The following RPS6KA5 variants were observed in gnomAD, a reference collection of about 807,000 sequenced individuals.
RPS6KA5 encodes the protein ribosomal protein S6 kinase alpha-5.
In RPS6KA5, 27 loss-of-function variants were observed where a neutral mutation model predicts 85.5. The observed-to-expected ratio is 0.32, with a 90% CI of 0.23 to 0.44. The LOEUF is 0.44. RPS6KA5 is among the 20% of genes least tolerant of loss of function. RPS6KA5 has a pLI of 1.00. For missense variants in RPS6KA5, 811 were observed against 980.9 expected (o/e 0.83, Z 2.31); for synonymous variants, 334 against 348.2 (o/e 0.96, Z 0.46).
chr14:91,050,190 C>A (rs1487030218), intron 1 of RPS6KA5, among the ~76,000 whole-genome samples: 6 of 152,000 alleles, frequency 3.9e-5, no homozygotes, highest in Admixed American at 2.0e-4. Flanking sequence ...CCAGCCTGGG[C>A]AACATAGCAA....
chr14:91,023,082 TAAAAA>T, intron 1 of RPS6KA5, among the ~76,000 whole-genome samples: 1 of 96,460 alleles, frequency 1.0e-5, no homozygotes, highest in African/African-American at 4.1e-5. Context: ...AAACTCTATC[TAAAAA>T]AAAAAAAAAA....
intron 2 of RPS6KA5, among the ~76,000 whole-genome samples, chr14:90,986,219 T>C (rs749611564): frequency 3.9e-5 from 6 of 152,228 alleles, no homozygotes; most frequent in Non-Finnish European, 8.8e-5. Context: ...AAATATATAA[T>C]GATTTTTAAA....
At chr14:90,959,021 C>A (rs545859619) in intron 3 of RPS6KA5, among the ~76,000 whole-genome samples, 1 of 151,902 alleles carries the variant, frequency 6.6e-6, no homozygotes, top group East Asian at 1.9e-4. Flanking sequence ...AAGTAACATC[C>A]AGTACAAAGA....
chr14:90,877,383 G>A (rs754748764), intron 14 of RPS6KA5, among the ~76,000 whole-genome samples: 20 of 152,174 alleles, frequency 1.3e-4, no homozygotes, highest in Non-Finnish European at 2.2e-4. Context: ...CTAGGTCTGA[G>A]TGAGCCAGTC....
intron 1 of RPS6KA5, among the ~76,000 whole-genome samples, chr14:91,049,352 C>T (rs536912521): frequency 1.3e-4 from 20 of 152,278 alleles, no homozygotes; most frequent in Admixed American, 6.5e-4. Context: ...CGGTGGCTCA[C>T]GCCTGTAATC....
intron 3 of RPS6KA5, among the ~76,000 whole-genome samples, chr14:90,962,395 C>T (rs2038849740): frequency 6.6e-6 from 1 of 151,440 alleles, no homozygotes; most frequent in Admixed American, 6.6e-5. Flanking sequence ...CCTTGACTTC[C>T]TGGGCTCAAA....
rs181630032 is a variant in RPS6KA5, at chr14:91,016,238, A to G, written c.104-15079T>C. On this transcript the variant is annotated intron_variant, in intron 1 of 16. Transcript: ENST00000614987. ...CAACTACAGTGCTCACTGGTAAACT[A>G]ATTTTTTTTTTCTTTTCTTTAGAGA... Among the ~76,000 whole-genome samples the G allele has an allele frequency of 1.3e-3, 198 of 152,088 alleles. 1 individual carries two copies. The highest frequency in any genetic ancestry group is 4.5e-3 in the African/African-American group (187 of 41,470).
intron 2 of RPS6KA5, among the ~76,000 whole-genome samples, chr14:90,994,288 A>G (rs1213776479): frequency 1.3e-5 from 2 of 151,860 alleles, no homozygotes; most frequent in Non-Finnish European, 2.9e-5. Context: ...CTCTTTAGCT[A>G]TATCTCATCT....
At chr14:90,891,146 A>G (rs556774344) in intron 13 of RPS6KA5, among the ~76,000 whole-genome samples, 32 of 151,952 alleles carry the variant, frequency 2.1e-4, no homozygotes, top group Middle Eastern at 3.4e-3. Flanking sequence ...TCATAATTCC[A>G]TAAGGACGGG....
chr14:90,921,943 A>C (rs1595221660), intron 6 of RPS6KA5, among the ~76,000 whole-genome samples: 1 of 152,208 alleles, frequency 6.6e-6, no homozygotes, highest in African/African-American at 2.4e-5. Flanking sequence ...CAGAAAAAAA[A>C]CCATGACCTA....
chr14:90,912,001 T>C (rs1393578744), intron 7 of RPS6KA5, among the ~76,000 whole-genome samples: 1 of 152,056 alleles, frequency 6.6e-6, no homozygotes, highest in Admixed American at 6.6e-5. Flanking sequence ...TTCCCCACCA[T>C]CTTTTCTCTT....
At chr14:90,916,455 A>G (rs1332462606) in intron 7 of RPS6KA5, among the ~76,000 whole-genome samples, 2 of 152,248 alleles carry the variant, frequency 1.3e-5, no homozygotes, top group Non-Finnish European at 2.9e-5. Context: ...AACAAAAAAT[A>G]CGGAAAGTAT....
intron 1 of RPS6KA5, among the ~76,000 whole-genome samples, chr14:91,005,973 G>C (rs2041001786): frequency 6.6e-6 from 1 of 152,108 alleles, no homozygotes; most frequent in African/African-American, 2.4e-5. Flanking sequence ...GCCAGAAACA[G>C]ACCTGTTAGA....
intron 1 of RPS6KA5, among the ~76,000 whole-genome samples, chr14:91,022,943 G>A (rs1234565067): frequency 6.6e-6 from 1 of 151,860 alleles, no homozygotes; most frequent in Non-Finnish European, 1.5e-5. Flanking sequence ...AAATTAGCTG[G>A]GCATGGTGGC....
chr14:91,040,652 TAC>T (rs1185001264), intron 1 of RPS6KA5, among the ~76,000 whole-genome samples: 3 of 152,012 alleles, frequency 2.0e-5, no homozygotes, highest in Non-Finnish European at 4.4e-5. Context: ...GAAGAATGCA[TAC>T]AGTTACAAGA....
At chr14:90,946,802 T>C (rs1370497885) in intron 4 of RPS6KA5, among the ~76,000 whole-genome samples, 1 of 152,236 alleles carries the variant, frequency 6.6e-6, no homozygotes, top group Non-Finnish European at 1.5e-5. Flanking sequence ...TGAAAATTTC[T>C]TGGCTCAAGA....
At chr14:90,909,876 A>C (rs1464450324) in intron 7 of RPS6KA5, among the ~76,000 whole-genome samples, 3 of 152,134 alleles carry the variant, frequency 2.0e-5, no homozygotes, top group Non-Finnish European at 4.4e-5. Flanking sequence ...CTCAGGTTCA[A>C]GCAATTATCT....
chr14:90,862,891 GAATA>G lies in RPS6KA5; in HGVS notation c.*9179_*9182del, dbSNP rs2032627475. Reference sequence around the variant, plus strand: ...CTATTTTCAGCATTTGAAAATTGAAGAATAAAGAAGAAAAATACAAGATTATCTC... The same window carrying G: ...CTATTTTCAGCATTTGAAAATTGAAGAAGAAGAAAAATACAAGATTATCTC... On this transcript the variant is annotated 3_prime_UTR_variant, in exon 17 of 17. Transcript: ENST00000614987. The G allele has an allele frequency of 1.1e-5, 1 of 92,936 alleles. No individual in the cohort carries two copies. Among genetic ancestry groups the G allele is most frequent in the African/African-American group, 4.9e-5 (1 of 20,382 alleles). 5.8% of individuals were successfully genotyped at this position (92,936 alleles called of 1,614,324 possible). A position where few individuals can be genotyped will look rare whatever the true frequency, so the allele number is the denominator to read the frequency against.
rs1403928320 is a variant in RPS6KA5, at chr14:90,864,640, A to C, written c.*7434T>G. ...ATTTATGGTAAAATATCAGACAAAA[A>C]CCCTCATATCCATAAAATATAAAAG... On this transcript the variant is annotated 3_prime_UTR_variant, in exon 17 of 17. Coordinates refer to ENST00000614987, the MANE Select transcript of RPS6KA5 (RefSeq NM_004755.4). 3.9e-5 allele frequency: 6 copies of C among 152,180 alleles called. No homozygotes were observed. Among genetic ancestry groups the C allele is most frequent in the African/African-American group, 1.2e-4 (5 of 41,440 alleles). 9.4% of individuals were successfully genotyped at this position (152,180 alleles called of 1,614,324 possible). A position where few individuals can be genotyped will look rare whatever the true frequency, so the allele number is the denominator to read the frequency against.
Sources: allele counts gnomAD v4.1 joint callset (sites outside exome capture counted in the v4.1 genomes callset), GRCh38; gene constraint gnomAD v4.1.1; transcripts MANE v1.5; gene names NCBI Gene and HGNC (gene_info 2026-07-23, HGNC 2026-07-21).